Variants in TRPC5 observed in about 807,000 individuals in gnomAD.
TRPC5 encodes transient receptor potential cation channel subfamily C member 5, also known as short transient receptor potential channel 5.
TRPC5 carries 9 observed loss-of-function variants against 56.5 expected under a neutral mutation model. That is an observed-to-expected ratio of 0.16 (90% confidence interval 0.10 to 0.28). The LOEUF is 0.28. TRPC5 is among the 10% of genes least tolerant of loss of function. The pLI is 1.00. For missense variants in TRPC5, 469 were observed against 748.9 expected (o/e 0.63, Z 4.36); for synonymous variants, 282 against 278.5 (o/e 1.01, Z -0.13).
rs749014544 is a variant in TRPC5, at chrX:111,941,713, G to A, written c.378+10330C>T. Reference sequence around the variant, plus strand: ...GAGTATGATGGAATGACAGTGGGGCGTCAGAGAGGGGGAGATACAGTGGCT... The same window carrying A: ...GAGTATGATGGAATGACAGTGGGGCATCAGAGAGGGGGAGATACAGTGGCT... On this transcript the variant is annotated intron_variant, in intron 2 of 10. Coordinates refer to ENST00000262839, the MANE Select transcript of TRPC5 (RefSeq NM_012471.3). Among the ~76,000 whole-genome samples the A allele has an allele frequency of 8.0e-5, 9 of 112,156 alleles. No homozygotes were observed. In the South Asian group the frequency reaches 1.1e-3, roughly 14 times the overall value.
At chrX:111,825,047 C>T (rs905592027) in intron 7 of TRPC5, among the ~76,000 whole-genome samples, 6 of 111,459 alleles carry the variant, frequency 5.4e-5, no homozygotes, top group East Asian at 2.8e-4. Context: ...CAATCAGATA[C>T]GTGTTGGTTG....
At chrX:111,943,201 G>C (rs1171132891) in intron 2 of TRPC5, among the ~76,000 whole-genome samples, 2 of 112,335 alleles carry the variant, frequency 1.8e-5, no homozygotes, top group Admixed American at 9.4e-5. Context: ...CATCTAATAA[G>C]TGTCTGACTT....
chrX:111,846,650 C>T (rs1296732612), intron 6 of TRPC5, among the ~76,000 whole-genome samples: 1 of 111,522 alleles, frequency 9.0e-6, no homozygotes, highest in Admixed American at 9.6e-5. Flanking sequence ...CGAGATTACA[C>T]CTATGAATGG....
intron 1 of TRPC5, among the ~76,000 whole-genome samples, chrX:112,013,467 C>T (rs981980805): frequency 9.0e-6 from 1 of 111,471 alleles, no homozygotes; most frequent in Non-Finnish European, 1.9e-5. Flanking sequence ...TGAAACAGAA[C>T]AGTTTAGATG....
In TRPC5 at chrX:111,847,125, A is replaced by G; in HGVS notation, c.1689T>C (p.Asn563=). 8.3e-7 allele frequency: 1 copy of G among 1,209,826 alleles called. No homozygotes were observed. Among genetic ancestry groups the G allele is most frequent in the Non-Finnish European group, 1.1e-6 (1 of 894,175 alleles). ...GGGGATCGTCTTACGTGGAGAAGGC[A>G]TTGTTCTGTTTCTCACATCGGATCC... is the stretch of plus-strand genomic sequence containing the variant. ...CKGIRCEKQN[N]AFSTLFETLQ... The change falls in exon 6 of 11, where the codon AAT becomes AAC. Residue 563 remains asparagine (N), a synonymous_variant. Coordinates refer to ENST00000262839, the MANE Select transcript of TRPC5 (RefSeq NM_012471.3).
chrX:111,860,492 A>C, intron 3 of TRPC5, among the ~76,000 whole-genome samples: 1 of 112,173 alleles, frequency 8.9e-6, no homozygotes, highest in Non-Finnish European at 1.9e-5. Flanking sequence ...TGTTGTTATG[A>C]GTAACCTACA....
intron 2 of TRPC5, among the ~76,000 whole-genome samples, chrX:111,936,613 C>G (rs1351387181): frequency 2.0e-5 from 2 of 101,604 alleles, no homozygotes; most frequent in Non-Finnish European, 4.0e-5. Context: ...TTTGTTCTTG[C>G]GATAGTTTAC....
intron 3 of TRPC5, chrX:111,903,380 A>G (rs1400390258): frequency 8.9e-6 from 1 of 112,288 alleles, no homozygotes; most frequent in African/African-American, 3.2e-5. Flanking sequence ...GTCAACAGTT[A>G]TGCGACGGTT....
chrX:111,784,926 G>T (rs955619459), intron 7 of TRPC5, among the ~76,000 whole-genome samples: 1 of 112,425 alleles, frequency 8.9e-6, no homozygotes, highest in Non-Finnish European at 1.9e-5. Context: ...AGCTCGAACT[G>T]GGGGGAGCCC....
In TRPC5 at chrX:111,774,535, C is replaced by T. The variant is rs1023415367; in HGVS notation, c.*1778G>A. The T allele has an allele frequency of 3.6e-5, 4 of 111,197 alleles. No homozygotes were observed. The highest frequency in any genetic ancestry group is 2.8e-4 in the East Asian group (1 of 3,532). 9.2% of individuals were successfully genotyped at this position (111,197 alleles called of 1,213,427 possible). Reference sequence around the variant, plus strand: ...GATCAAGGAATTATTTTCGGACAACCTCTTGCCAAATGGGTCTTGATGCAG... The same window carrying T: ...GATCAAGGAATTATTTTCGGACAACTTCTTGCCAAATGGGTCTTGATGCAG... On this transcript the variant is annotated 3_prime_UTR_variant, in exon 11 of 11. Coordinates refer to ENST00000262839, the MANE Select transcript of TRPC5 (RefSeq NM_012471.3).
intron 3 of TRPC5, among the ~76,000 whole-genome samples, chrX:111,875,576 T>C (rs369972584): frequency 3.1e-4 from 31 of 100,471 alleles, no homozygotes; most frequent in East Asian, 2.1e-3. Flanking sequence ...TTCTTTCTTT[T>C]TTTTTTTTTT....
intron 3 of TRPC5, among the ~76,000 whole-genome samples, chrX:111,885,441 T>C (rs1040059002): frequency 1.8e-5 from 2 of 111,351 alleles, no homozygotes; most frequent in Non-Finnish European, 3.8e-5. Flanking sequence ...CAACTCATCC[T>C]AGTTTTCCTA....
chrX:112,031,773 G>T (rs895766691), intron 1 of TRPC5, among the ~76,000 whole-genome samples: 7 of 108,850 alleles, frequency 6.4e-5, no homozygotes, highest in African/African-American at 2.3e-4. Context: ...GTGACCTTTT[G>T]TATCTGACTT....
At chrX:111,878,216 C>T (rs1465833218) in intron 3 of TRPC5, among the ~76,000 whole-genome samples, 1 of 109,710 alleles carries the variant, frequency 9.1e-6, no homozygotes, top group African/African-American at 3.3e-5. Context: ...ACATTGTATC[C>T]CATAAATAAA....
intron 1 of TRPC5, among the ~76,000 whole-genome samples, chrX:112,059,939 A>G (rs1930425738): frequency 8.9e-6 from 1 of 112,219 alleles, no homozygotes; most frequent in African/African-American, 3.2e-5. Flanking sequence ...GAATCTGTCC[A>G]GTAAAGGGGT....
intron 1 of TRPC5, among the ~76,000 whole-genome samples, chrX:112,020,561 G>A (rs1299365844): frequency 8.9e-6 from 1 of 112,066 alleles, no homozygotes; most frequent in Non-Finnish European, 1.9e-5. Flanking sequence ...AACACACACA[G>A]TTTGTTTCTC....
chrX:111,815,190 C>T (rs967265211), intron 7 of TRPC5, among the ~76,000 whole-genome samples: 3 of 111,076 alleles, frequency 2.7e-5, no homozygotes, highest in Admixed American at 9.6e-5. Flanking sequence ...CCTTTGAAAC[C>T]GGGTGAATGT....
chrX:111,966,206 C>T (rs755229872), intron 1 of TRPC5, among the ~76,000 whole-genome samples: 9 of 111,830 alleles, frequency 8.0e-5, no homozygotes, highest in African/African-American at 2.6e-4. Flanking sequence ...AACACCTCTA[C>T]GCAACTAAAC....
chrX:111,924,335 A>G (rs781707762), intron 2 of TRPC5, among the ~76,000 whole-genome samples: 1 of 111,507 alleles, frequency 9.0e-6, no homozygotes, highest in East Asian at 2.8e-4. Flanking sequence ...ACAAAAATGA[A>G]CTCAGTTGGG....
Sources: gnomAD v4.1 joint callset for allele counts (sites outside exome capture counted in the v4.1 genomes callset) on GRCh38, gnomAD v4.1.1 for gene constraint, MANE v1.5 for transcripts, NCBI Gene and HGNC (gene_info 2026-07-23, HGNC 2026-07-21) for gene names.